Variants in SLFN5 observed in about 807,000 individuals in gnomAD.
SLFN5 encodes schlafen family member 5.
SLFN5 carries 34 observed loss-of-function variants against 48.5 expected under a neutral mutation model. The ratio of observed to expected loss-of-function variants is 0.70; its 90% CI spans 0.53 to 0.93. The LOEUF (loss-of-function observed/expected upper bound fraction) is 0.93. SLFN5 is among the 40% of genes least tolerant of loss of function. SLFN5 has a pLI of 0.00. For missense variants in SLFN5, 1,006 were observed against 1,071.3 expected (o/e 0.94, Z 0.85); for synonymous variants, 387 against 396.2 (o/e 0.98, Z 0.28).
intron 1 of SLFN5, among the ~76,000 whole-genome samples, chr17:35,246,158 G>C (rs765775021): frequency 7.9e-5 from 12 of 152,080 alleles, no homozygotes; most frequent in Non-Finnish European, 1.6e-4. Context: ...GTCTATTCAA[G>C]TATTTTATTC....
intron 1 of SLFN5, among the ~76,000 whole-genome samples, chr17:35,258,326 G>C (rs1904401381): frequency 6.6e-6 from 1 of 152,114 alleles, no homozygotes; most frequent in South Asian, 2.1e-4. Flanking sequence ...CGTCTTACAT[G>C]GAGGCAGGCA....
In SLFN5 at chr17:35,260,994, G is replaced by A. The variant is rs1824303635; in HGVS notation, c.1036G>A (p.Val346Ile). ...DPDLSRCPEMVLQLSLSSATP... is the reference protein window; with the variant it reads ...DPDLSRCPEMILQLSLSSATP... ...AGACCTTTCCAGGTGTCCTGAGATG[G>A]TTCTCCAGTTGAGTTTGTCATCTGC... Residue 346 changes from valine (V) to isoleucine (I), a missense_variant, in exon 3 of 5, where the codon GTT (valine) becomes ATT (isoleucine). By Grantham distance (29) the Val-to-Ile change is conservative. Coordinates refer to ENST00000299977, the MANE Select transcript of SLFN5 (RefSeq NM_144975.4). 6.2e-7 allele frequency: 1 copy of A among 1,613,714 alleles called. No homozygotes were observed. The highest frequency in any genetic ancestry group is 1.3e-5 in the African/African-American group (1 of 74,898).
In SLFN5 at chr17:35,267,459, A is replaced by G. The variant is rs534791394; in HGVS notation, c.*1571A>G. 1 of 152,328 alleles carries G rather than the reference A, an allele frequency of 6.6e-6. No individual in the cohort carries two copies. Among genetic ancestry groups the G allele is most frequent in the East Asian group, 1.9e-4 (1 of 5,194 alleles). 9.4% of individuals were successfully genotyped at this position (152,328 alleles called of 1,614,324 possible). ...GTGATCCCAGGACTTTAGGAGGCCA[A>G]GGTGGGAGGATTGTTTGAGCCCAGG... is the stretch of plus-strand genomic sequence containing the variant. On this transcript the variant is annotated 3_prime_UTR_variant, in exon 5 of 5. Transcript: ENST00000299977.
In SLFN5 at chr17:35,264,214, A is replaced by G. The variant is rs1489531901; in HGVS notation, c.1170A>G (p.Glu390=). 2 of 1,612,354 alleles carry G rather than the reference A, an allele frequency of 1.2e-6. No individual in the cohort carries two copies. The highest frequency in any genetic ancestry group is 2.2e-5 in the East Asian group (1 of 44,882). ...CAGACAGAGTGGTATATACTCCAGA[A>G]AGCCTCTACAAGGAACTCTTCTCAC... The part of the protein sequence containing the change: ...VFSDRVVYTP[E]SLYKELFSQH... The change falls in exon 4 of 5, where the codon GAA becomes GAG. Residue 390 remains glutamate (E), a synonymous_variant. Coordinates refer to ENST00000299977, the MANE Select transcript of SLFN5 (RefSeq NM_144975.4).
Position 35,260,562 on chromosome 17 carries a change from CAAAAATACA to C in SLFN5, c.1013-402_1013-394del, listed in dbSNP as rs1188666907. Among the ~76,000 whole-genome samples, 7 of 151,818 alleles carry C rather than the reference CAAAAATACA, an allele frequency of 4.6e-5. No individual in the cohort carries two copies. The East Asian group carries it at 1.4e-3, about 29-fold the overall frequency. On this transcript the variant is annotated intron_variant, in intron 2 of 4. Transcript: ENST00000299977. ...CAACATGGTGAAACTCCGTCTCTAC[CAAAAATACA>C]AAAAATTAGCTGGATGTGGTGACGC...
rs1019662384 is a variant in SLFN5, at chr17:35,269,486, T to C, written c.*3598T>C. 9 of 152,198 alleles carry C rather than the reference T, an allele frequency of 5.9e-5. No homozygotes were observed. Among genetic ancestry groups the C allele is most frequent in the African/African-American group, 2.2e-4 (9 of 41,516 alleles). 9.4% of individuals were successfully genotyped at this position (152,198 alleles called of 1,614,324 possible). On this transcript the variant is annotated 3_prime_UTR_variant, in exon 5 of 5. Coordinates refer to ENST00000299977, the MANE Select transcript of SLFN5 (RefSeq NM_144975.4). ...CATAAAACCAGGGTTTGGATCATTTTAAAAAAACAAACAAAAATAATTTAT... is the reference window on the plus strand; with the variant it reads ...CATAAAACCAGGGTTTGGATCATTTCAAAAAAACAAACAAAAATAATTTAT...
intron 1 of SLFN5, 39 bp from the exon 2 acceptor site, chr17:35,258,612 C>T: frequency 6.6e-7 from 1 of 1,518,592 alleles, no homozygotes; most frequent in South Asian, 1.3e-5. Flanking sequence ...CTCTCCTATT[C>T]TTGTCCTGTT....
rs34854448 is a variant in SLFN5, at chr17:35,251,703, CTT to C, written c.-40-6922_-40-6921del. On this transcript the variant is annotated intron_variant, in intron 1 of 4. Coordinates refer to ENST00000299977, the MANE Select transcript of SLFN5 (RefSeq NM_144975.4). Reference sequence around the variant, plus strand: ...ACAGGCATGAGCCATGGCGCCCGGACTTTTTTTTTTTTTTTTTTTTTTTTTTT... The same window carrying C: ...ACAGGCATGAGCCATGGCGCCCGGACTTTTTTTTTTTTTTTTTTTTTTTTT... Among the ~76,000 whole-genome samples, 753 of 84,964 alleles carry C rather than the reference CTT, an allele frequency of 8.9e-3. 22 individuals are homozygous for C. The highest frequency in any genetic ancestry group is 0.011 in the Non-Finnish European group (479 of 45,352). The allele number at this position is 84,964 out of a possible 152,430, so 55.7% of individuals were successfully genotyped here.
chr17:35,248,890 A>G (rs1025808615), intron 1 of SLFN5, among the ~76,000 whole-genome samples: 1 of 152,172 alleles, frequency 6.6e-6, no homozygotes, highest in African/African-American at 2.4e-5. Flanking sequence ...CTGGAGGGCA[A>G]AAGCTGATTG....
rs1220058598 is a variant in SLFN5 at position 35,265,819 on chromosome 17, C to G, written c.2607C>G (p.Ala869=). 1.2e-6 allele frequency: 2 copies of G among 1,614,092 alleles called. No individual in the cohort carries two copies. Among genetic ancestry groups the G allele is most frequent in the East Asian group, 4.5e-5 (2 of 44,882 alleles). ...CAGGAGTAGCCCCACCGGCTGGGGCCTACAATCTTCTGCTCTGTTTGGCTT... is the reference window on the plus strand; with the variant it reads ...CAGGAGTAGCCCCACCGGCTGGGGCGTACAATCTTCTGCTCTGTTTGGCTT... ...INPGVAPPAG[A]YNLLLCLASR... Residue 869 remains alanine (A), a synonymous_variant, in exon 5 of 5, where the codon GCC becomes GCG. Coordinates refer to ENST00000299977, the MANE Select transcript of SLFN5 (RefSeq NM_144975.4).
intron 1 of SLFN5, among the ~76,000 whole-genome samples, chr17:35,243,854 G>A (rs962794906): frequency 6.6e-6 from 1 of 152,254 alleles, no homozygotes; most frequent in Non-Finnish European, 1.5e-5. Context: ...GATGCTTGGA[G>A]ACAGAGGAAG....
chr17:35,263,052 T>C (rs113052033), intron 3 of SLFN5, among the ~76,000 whole-genome samples: 1,822 of 152,306 alleles, frequency 0.012, 45 homozygotes, highest in African/African-American at 0.041. Flanking sequence ...TCACCATCCT[T>C]GTTTCCACCT....
chr17:35,256,347 T>C (rs1050861907), intron 1 of SLFN5, among the ~76,000 whole-genome samples: 1 of 152,098 alleles, frequency 6.6e-6, no homozygotes, highest in Non-Finnish European at 1.5e-5. Context: ...CAACAAGAAG[T>C]AGACTCCATC....
In SLFN5 at chr17:35,259,615, G is replaced by A. The variant is rs997754210; in HGVS notation, c.925G>A (p.Val309Met). The A allele has an allele frequency of 1.9e-6, 3 of 1,608,690 alleles. No individual in the cohort carries two copies. Among genetic ancestry groups the A allele is most frequent in the African/African-American group, 1.3e-5 (1 of 75,044 alleles). The change falls in exon 2 of 5, where the codon GTG becomes ATG. Residue 309 changes from valine (V) to methionine (M), a missense_variant. Coordinates refer to ENST00000299977, the MANE Select transcript of SLFN5 (RefSeq NM_144975.4). ...ATTCTGCTGTGCGGTGTTTGCCAAA[G>A]TGCCTAGTTCCTGGCAGGTGAAGGA... is the stretch of plus-strand genomic sequence containing the variant. ...EKFCCAVFAK[V>M]PSSWQVKDNR...
At chr17:35,246,979 T>C (rs1024325340) in intron 1 of SLFN5, among the ~76,000 whole-genome samples, 1 of 152,176 alleles carries the variant, frequency 6.6e-6, no homozygotes, top group Non-Finnish European at 1.5e-5. Context: ...AGGCTAAATA[T>C]ACATACAAAC....
In SLFN5 at chr17:35,265,913, A is replaced by G. The variant is rs371528024; in HGVS notation, c.*25A>G. The G allele has an allele frequency of 1.1e-5, 17 of 1,550,262 alleles. No homozygotes were observed. In the African/African-American group the frequency reaches 2.3e-4, roughly 21 times the overall value. On this transcript the variant is annotated 3_prime_UTR_variant, in exon 5 of 5. Coordinates refer to ENST00000299977, the MANE Select transcript of SLFN5 (RefSeq NM_144975.4). ...ACAGGAAACCCAAGCCTAAGAAACA[A>G]TTAAGTGGTTCTCATCTCTAATTAA...
rs1904436789 is a variant in SLFN5 at position 35,259,061 on chromosome 17, C to G, written c.371C>G (p.Ser124Cys). Residue 124 changes from serine to cysteine, a missense_variant, in exon 2 of 5, where the codon TCC (serine) becomes TGC (cysteine). Ser to Cys is a moderately radical substitution (Grantham distance 112, BLOSUM62 -1). Transcript: ENST00000299977. The part of the protein sequence containing the change: ...CSNLYHRERT[S>C]TDVMDSQEAL... Reference sequence around the variant, plus strand: ...AATTTGTACCACAGAGAGAGAACATCCACCGATGTCATGGATTCTCAGGAA... The same window carrying G: ...AATTTGTACCACAGAGAGAGAACATGCACCGATGTCATGGATTCTCAGGAA... 1 of 1,614,140 alleles carries G rather than the reference C, an allele frequency of 6.2e-7. No homozygotes were observed.
intron 1 of SLFN5, among the ~76,000 whole-genome samples, chr17:35,254,206 TTGTC>T (rs541736101): frequency 8.8e-4 from 134 of 152,338 alleles, no homozygotes; most frequent in African/African-American, 3.0e-3. Context: ...ATATTTGTAT[TTGTC>T]TGTCTTCCTA....
chr17:35,261,586 T>G (rs1904520657), intron 3 of SLFN5, among the ~76,000 whole-genome samples: 1 of 152,098 alleles, frequency 6.6e-6, no homozygotes, highest in Non-Finnish European at 1.5e-5. Context: ...CCAGGTTGGT[T>G]TCAAGCTCCT....
Sources: allele counts gnomAD v4.1 joint callset (sites outside exome capture counted in the v4.1 genomes callset), GRCh38; gene constraint gnomAD v4.1.1; transcripts MANE v1.5; gene names NCBI Gene and HGNC (gene_info 2026-07-23, HGNC 2026-07-21).